TBC1D32: variants seen among roughly 807,000 people sequenced by gnomAD.
TBC1D32 encodes protein broad-minded.
TBC1D32 carries 151 observed loss-of-function variants against 170.3 expected under a neutral mutation model. The ratio of observed to expected loss-of-function variants is 0.89; its 90% confidence interval spans 0.78 to 1.01. The LOEUF (loss-of-function observed/expected upper bound fraction) is 1.01, where lower values mean the gene tolerates loss of function less well. TBC1D32 is among the 50% of genes least tolerant of loss of function. The pLI is 0.00. For synonymous variants in TBC1D32, 498 were observed against 488.0 expected (o/e 1.02, Z -0.27); for missense variants, 1,464 against 1,457.1 (o/e 1.00, Z -0.08).
intron 29 of TBC1D32, among the ~76,000 whole-genome samples, chr6:121,110,022 C>T (rs968086506): frequency 1.3e-5 from 2 of 151,812 alleles, no homozygotes; most frequent in Non-Finnish European, 2.9e-5. Context: ...GAGGCCGAGG[C>T]TGGCAGAGCA....
At chr6:121,280,258 T>C (rs1379183304) in intron 14 of TBC1D32, among the ~76,000 whole-genome samples, 2 of 151,888 alleles carry the variant, frequency 1.3e-5, no homozygotes, top group Non-Finnish European at 2.9e-5. Flanking sequence ...TTTTAAAACT[T>C]TCTATTCCTC....
At chr6:121,205,185 A>G (rs771164624) in intron 21 of TBC1D32, 22 bp from the exon 22 acceptor site, 1 of 1,205,054 alleles carries the variant, frequency 8.3e-7, no homozygotes, top group Non-Finnish European at 1.2e-6. Context: ...AGACAAAATG[A>G]GACTGTATTT....
At chr6:121,189,931 T>C (rs982253869) in intron 22 of TBC1D32, among the ~76,000 whole-genome samples, 5 of 152,024 alleles carry the variant, frequency 3.3e-5, no homozygotes, top group African/African-American at 1.2e-4. Context: ...ACAAGATACA[T>C]TGTTTTGCTT....
intron 15 of TBC1D32, among the ~76,000 whole-genome samples, chr6:121,262,633 T>C (rs1799912528): frequency 6.6e-6 from 1 of 151,990 alleles, no homozygotes; most frequent in South Asian, 2.1e-4. Context: ...TGTGCCACCA[T>C]ACCTGGCTAA....
chr6:121,304,522 C>G lies in TBC1D32; in HGVS notation c.873G>C (p.Lys291Asn). 1 of 1,605,988 alleles carries G rather than the reference C, an allele frequency of 6.2e-7. No homozygotes were observed. Among genetic ancestry groups the G allele is most frequent in the Non-Finnish European group, 8.5e-7 (1 of 1,175,460 alleles). Residue 291 changes from lysine (K) to asparagine (N), a missense_variant and splice_region_variant, in exon 7 of 32, where the codon AAG becomes AAC. Lys to Asn is a moderately conservative substitution (Grantham distance 94). Transcript: ENST00000398212. ...AAAGCATATTGTAGTAAATGGATAC[C>G]TTTTTAAGTAAGCGAGTCATATTAG... ...TNPNMTRLLK[K>N]VRLLNEYQKE...
intron 20 of TBC1D32, among the ~76,000 whole-genome samples, chr6:121,233,067 G>A (rs1795935772): frequency 6.6e-6 from 1 of 152,072 alleles, no homozygotes; most frequent in Admixed American, 6.6e-5. Context: ...TGTGGTCTGA[G>A]AGAGTACCTG....
At chr6:121,195,552 G>A (rs1355033795) in intron 22 of TBC1D32, among the ~76,000 whole-genome samples, 1 of 152,152 alleles carries the variant, frequency 6.6e-6, no homozygotes, top group Non-Finnish European at 1.5e-5. Flanking sequence ...CCATCATCAA[G>A]TGGAAGTTGT....
chr6:121,312,962 C>T (rs1308280570), intron 3 of TBC1D32, among the ~76,000 whole-genome samples: 1 of 152,142 alleles, frequency 6.6e-6, no homozygotes, highest in Admixed American at 6.5e-5. Flanking sequence ...CTGCAACTTG[C>T]CTTGAATTCC....
chr6:121,091,697 A>G (rs1776817153), intron 30 of TBC1D32, among the ~76,000 whole-genome samples: 4 of 152,182 alleles, frequency 2.6e-5, no homozygotes, highest in Admixed American at 2.6e-4. Flanking sequence ...AATGACACAG[A>G]GATTATAAAT....
At chr6:121,145,898 G>A (rs1454764547) in intron 24 of TBC1D32, among the ~76,000 whole-genome samples, 2 of 152,152 alleles carry the variant, frequency 1.3e-5, no homozygotes, top group Non-Finnish European at 1.5e-5. Context: ...TTGATGAAAA[G>A]TGATATTAAA....
chr6:121,261,934 ATTT>A (rs58961254), intron 15 of TBC1D32, among the ~76,000 whole-genome samples: 134,325 of 151,988 alleles, frequency 0.88, 59,804 homozygotes, highest in East Asian at 0.98. Flanking sequence ...AGAGAGGAAC[ATTT>A]TAAATGACCT....
chr6:121,212,768 A>G (rs1317568086), intron 21 of TBC1D32, among the ~76,000 whole-genome samples: 1 of 152,116 alleles, frequency 6.6e-6, no homozygotes, highest in Non-Finnish European at 1.5e-5. Context: ...GCCCAGGCCA[A>G]TATCTTTGAT....
At chr6:121,115,100 C>A in intron 27 of TBC1D32, 72 bp downstream of exon 27, 1 of 1,129,042 alleles carries the variant, frequency 8.9e-7, no homozygotes. Flanking sequence ...AAATTAAATA[C>A]TACTGAGCAC....
At chr6:121,299,315 T>A in intron 10 of TBC1D32, 131 bp downstream of exon 10, 1 of 979,992 alleles carries the variant, frequency 1.0e-6, no homozygotes, top group Non-Finnish European at 1.4e-6. Flanking sequence ...TAGTTTAAGA[T>A]CACATAAAAG....
At chr6:121,209,381 CT>C (rs1377694773) in intron 21 of TBC1D32, among the ~76,000 whole-genome samples, 4 of 152,106 alleles carry the variant, frequency 2.6e-5, no homozygotes, top group Admixed American at 6.6e-5. Flanking sequence ...GTATATAATA[CT>C]GTATTGCTAA....
chr6:121,259,213 G>T (rs1189798718), intron 15 of TBC1D32, among the ~76,000 whole-genome samples: 1 of 151,922 alleles, frequency 6.6e-6, no homozygotes, highest in Non-Finnish European at 1.5e-5. Flanking sequence ...CAGGAGAATC[G>T]CTTGAACCCA....
At chr6:121,287,391 T>C (rs117383901) in intron 12 of TBC1D32, among the ~76,000 whole-genome samples, 4,992 of 151,784 alleles carry the variant, frequency 0.033, 195 homozygotes, top group East Asian at 0.12. Flanking sequence ...CAACAAAGAT[T>C]AGAAGAGACA....
At chr6:121,226,480 TAAATTTTAC>T (rs1795083138) in intron 20 of TBC1D32, among the ~76,000 whole-genome samples, 1 of 152,090 alleles carries the variant, frequency 6.6e-6, no homozygotes, top group Non-Finnish European at 1.5e-5. Context: ...TAGTGGGAAT[TAAATTTTAC>T]ATTTTAAATA....
chr6:121,238,064 G>A (rs1391767820), intron 20 of TBC1D32, among the ~76,000 whole-genome samples: 1 of 152,094 alleles, frequency 6.6e-6, no homozygotes, highest in Non-Finnish European at 1.5e-5. Flanking sequence ...ACAGTTCACA[G>A]GCATACTTGA....
Sources: allele counts gnomAD v4.1 joint callset (sites outside exome capture counted in the v4.1 genomes callset), GRCh38; gene constraint gnomAD v4.1.1; transcripts MANE v1.5; gene names NCBI Gene and HGNC (gene_info 2026-07-23, HGNC 2026-07-21).